Variants in LY6S observed in about 807,000 individuals in gnomAD.
The protein encoded by LY6S is lymphocyte antigen 6 family member S, also known as lymphocyte antigen 6S.
chr8:143,053,877 C>T, the LY6S span: 1 of 152,158 alleles, frequency 6.6e-6, no homozygotes, highest in Non-Finnish European at 1.5e-5. Context: ...TATCCTGTTC[C>T]CTGACCGGCA....
the LY6S span, among the ~76,000 whole-genome samples, chr8:143,070,494 T>A: frequency 0.011 from 1,170 of 107,712 alleles, 43 homozygotes; most frequent in Non-Finnish European, 0.015. Flanking sequence ...TATATATTTT[T>A]TTTTTTTTTT....
the LY6S span, chr8:143,044,683 C>T: frequency 7.3e-7 from 1 of 1,367,372 alleles, no homozygotes; most frequent in South Asian, 1.1e-5. Context: ...CAGGGACTCA[C>T]TGCCAAAGAC....
chr8:143,044,835 A>G, the LY6S span: 6 of 1,356,100 alleles, frequency 4.4e-6, no homozygotes, highest in East Asian at 1.4e-4. Context: ...ACTGCAGCAC[A>G]TGCCAGGACA....
chr8:143,048,475 T>C, the LY6S span, among the ~76,000 whole-genome samples: 9 of 18,820 alleles, frequency 4.8e-4, no homozygotes, highest in East Asian at 5.4e-3. Flanking sequence ...ATTTTCTTTT[T>C]TTTTTTTTTT....
chr8:143,044,008 G>T, the LY6S span, among the ~76,000 whole-genome samples: 1 of 152,210 alleles, frequency 6.6e-6, no homozygotes, highest in African/African-American at 2.4e-5. Flanking sequence ...CCTCACTGAA[G>T]GGTGTGGCCT....
chr8:143,071,887 G>A, the LY6S span, among the ~76,000 whole-genome samples: 11 of 152,134 alleles, frequency 7.2e-5, no homozygotes, highest in Non-Finnish European at 1.6e-4. Context: ...GAGTCTGGTG[G>A]TTCTTCAGAA....
the LY6S span, among the ~76,000 whole-genome samples, chr8:143,069,962 A>C: frequency 6.6e-6 from 1 of 151,946 alleles, no homozygotes; most frequent in Non-Finnish European, 1.5e-5. Flanking sequence ...CCGGCAGTGC[A>C]CTAGTCAGCT....
chr8:143,065,663 C>T, the LY6S span, among the ~76,000 whole-genome samples: 3 of 152,062 alleles, frequency 2.0e-5, no homozygotes, highest in Admixed American at 2.0e-4. Flanking sequence ...ATTGCCTGTA[C>T]TGGAGCCGGA....
chr8:143,050,681 A>T, the LY6S span, among the ~76,000 whole-genome samples: 1 of 152,076 alleles, frequency 6.6e-6, no homozygotes, highest in African/African-American at 2.4e-5. Context: ...TCCTGGGAGA[A>T]CCTAACTCGT....
the LY6S span, chr8:143,054,303 C>CAAAAAAAAAAAAAAAAAAAAAAAAAA: frequency 1.5e-5 from 1 of 64,742 alleles, no homozygotes; most frequent in Non-Finnish European, 2.8e-5. Context: ...CACTCCATCC[C>CAAAAAAAAAAAAAAAAAAAAAAAAAA]AAAAAAAAAA....
chr8:143,041,646 A>T, the LY6S span, among the ~76,000 whole-genome samples: 1 of 152,184 alleles, frequency 6.6e-6, no homozygotes, highest in Non-Finnish European at 1.5e-5. Flanking sequence ...GGAAGTGATA[A>T]GTGTCCATGA....
chr8:143,068,744 C>T, the LY6S span, among the ~76,000 whole-genome samples: 72 of 144,226 alleles, frequency 5.0e-4, no homozygotes, highest in African/African-American at 1.9e-3. Context: ...GGGCACTTGA[C>T]TAATAATTTC....
the LY6S span, among the ~76,000 whole-genome samples, chr8:143,064,144 C>T: frequency 1.3e-5 from 2 of 152,170 alleles, no homozygotes; most frequent in Non-Finnish European, 2.9e-5. Context: ...TGTTCACAGT[C>T]GAAGGGGCCA....
At chr8:143,066,524 G>C in the LY6S span, 3 of 282,402 alleles carry the variant, frequency 1.1e-5, no homozygotes, top group African/African-American at 4.5e-5. Context: ...TTCGTGCAGC[G>C]AATCGGCTGC....
the LY6S span, among the ~76,000 whole-genome samples, chr8:143,070,448 A>ATATATATATTATATATATATTG: frequency 5.4e-4 from 42 of 77,716 alleles, 2 homozygotes; most frequent in African/African-American, 2.7e-3. Context: ...TATATATTGT[A>ATATATATATTATATATATATTG]TATATATATA....
the LY6S span, among the ~76,000 whole-genome samples, chr8:143,052,229 C>G: frequency 1.3e-5 from 2 of 151,910 alleles, no homozygotes; most frequent in Non-Finnish European, 2.9e-5. Context: ...TGCAGTGAGC[C>G]GAGATCGCAC....
the LY6S span, among the ~76,000 whole-genome samples, chr8:143,045,147 C>T: frequency 6.6e-6 from 1 of 152,198 alleles, no homozygotes; most frequent in Non-Finnish European, 1.5e-5. This position sits in a 1 kb window ranked among gnomAD's most constrained non-coding sequence, Gnocchi z 5.3. Context: ...TCACCTCTGC[C>T]ACCGGAACAC....
At chr8:143,044,571 G>T in the LY6S span, 1 of 574,046 alleles carries the variant, frequency 1.7e-6, no homozygotes. Flanking sequence ...CCACAGACCG[G>T]CCCCCAAAGT....
chr8:143,048,365 C>G, the LY6S span, among the ~76,000 whole-genome samples: 2 of 152,244 alleles, frequency 1.3e-5, no homozygotes, highest in East Asian at 3.9e-4. Context: ...TTTCTGGCCT[C>G]GTTTCAGACA....
Sources: allele counts gnomAD v4.1 joint callset (sites outside exome capture counted in the v4.1 genomes callset), GRCh38; gene constraint gnomAD v4.1.1; non-coding constraint Gnocchi (gnomAD v3.1); transcripts MANE v1.5; gene names NCBI Gene and HGNC (gene_info 2026-07-23, HGNC 2026-07-21).